Variants in STAB2 observed in about 807,000 individuals in gnomAD.
STAB2 encodes the protein stabilin-2.
In STAB2, 288 loss-of-function variants were observed where a neutral mutation model predicts 338.1. The ratio of observed to expected loss-of-function variants is 0.85; its 90% confidence interval spans 0.77 to 0.94. The LOEUF (loss-of-function observed/expected upper bound fraction) is 0.94. Among genes scored for constraint, STAB2 ranks in the 40% least tolerant of loss-of-function variants. The probability of loss-of-function intolerance (pLI) is 0.00; values close to 1 mark genes in which losing one functional copy is unlikely to be tolerated. For synonymous variants in STAB2, 1,202 were observed against 1,193.3 expected, an observed-to-expected ratio of 1.01 and a Z score of -0.15; for missense variants, 3,141 against 3,210.1, an observed-to-expected ratio of 0.98 and a Z score of 0.52.
chr12:103,732,427 T>C (rs1313679438), intron 50 of STAB2, among the ~76,000 whole-genome samples: 2 of 152,178 alleles, frequency 1.3e-5, no homozygotes, highest in Non-Finnish European at 2.9e-5. Flanking sequence ...CAAGCATCTT[T>C]CTGAGGCTCC....
chr12:103,715,412 T>A (rs1009881086), intron 42 of STAB2, among the ~76,000 whole-genome samples: 1 of 152,228 alleles, frequency 6.6e-6, no homozygotes, highest in African/African-American at 2.4e-5. Flanking sequence ...TAGTTTAGCA[T>A]CTTTTGATGA....
chr12:103,711,265 C>T (rs1448260931), intron 39 of STAB2: 2 of 611,994 alleles, frequency 3.3e-6, no homozygotes, highest in Non-Finnish European at 5.7e-6. Flanking sequence ...AAACAGAAGA[C>T]ACCATCAATG....
chr12:103,607,282 A>C (rs184312252), intron 3 of STAB2, among the ~76,000 whole-genome samples: 1 of 151,992 alleles, frequency 6.6e-6, no homozygotes, highest in Admixed American at 6.5e-5. Flanking sequence ...CCAGTTATAC[A>C]TATATTAAAA....
intron 42 of STAB2, 48 bp from the exon 43 acceptor site, chr12:103,715,767 G>A: frequency 6.2e-7 from 1 of 1,612,582 alleles, no homozygotes; most frequent in Non-Finnish European, 8.5e-7. Context: ...GCTTCACTTG[G>A]AAACCAGACT....
intron 68 of STAB2, chr12:103,763,837 G>A: frequency 2.2e-6 from 1 of 446,946 alleles, no homozygotes; most frequent in Non-Finnish European, 4.0e-6. Context: ...AACAGAGACA[G>A]GCGAGAACAA....
At chr12:103,594,711 C>T (rs1956850639) in intron 3 of STAB2, among the ~76,000 whole-genome samples, 1 of 152,108 alleles carries the variant, frequency 6.6e-6, no homozygotes, top group African/African-American at 2.4e-5. Context: ...AGAGATCTCT[C>T]TTTAAAAGAA....
rs1200660654 is a variant in STAB2 at position 103,708,327 on chromosome 12, A to G, written c.4193-114A>G. ...TTCAAGACCCCTGTTAAAGACTATG[A>G]TTCCTAGAAGTAGGTTGGAGAATTA... On this transcript the variant is annotated intron_variant, in intron 38 of 68. Transcript: ENST00000388887. The G allele has an allele frequency of 7.7e-6, 8 of 1,037,764 alleles. No individual in the cohort carries two copies. The African/African-American group carries it at 1.3e-4, about 16-fold the overall frequency. 64.3% of individuals were successfully genotyped at this position (1,037,764 alleles called of 1,614,324 possible).
intron 1 of STAB2, among the ~76,000 whole-genome samples, chr12:103,590,101 G>A (rs1223020322): frequency 6.6e-6 from 1 of 152,108 alleles, no homozygotes; most frequent in African/African-American, 2.4e-5. Context: ...GCATCTCTCG[G>A]GGAGGATCAG....
chr12:103,752,883 T>G (rs2139193959), intron 60 of STAB2, among the ~76,000 whole-genome samples: 1 of 152,210 alleles, frequency 6.6e-6, no homozygotes, highest in African/African-American at 2.4e-5. Context: ...AAATTAAAAA[T>G]TTACCAAAAA....
At chr12:103,697,789 G>A (rs949637612) in intron 33 of STAB2, among the ~76,000 whole-genome samples, 14 of 152,216 alleles carry the variant, frequency 9.2e-5, no homozygotes, top group African/African-American at 3.1e-4. Context: ...AGCAATCACA[G>A]GATTCACTTA....
intron 68 of STAB2, 163 bp from the exon 69 acceptor site, chr12:103,766,123 C>A: frequency 1.0e-6 from 1 of 954,770 alleles, no homozygotes; most frequent in Non-Finnish European, 1.7e-6. Context: ...CCCAGCCCAT[C>A]CTGCCTCCCA....
intron 56 of STAB2, among the ~76,000 whole-genome samples, 191 bp from the exon 57 acceptor site, chr12:103,744,982 C>T (rs1882901845): frequency 6.6e-6 from 1 of 152,158 alleles, no homozygotes; most frequent in African/African-American, 2.4e-5. Context: ...GTAACCTTAT[C>T]GCTTAGCAGT....
chr12:103,619,953 C>A (rs1257638952), intron 3 of STAB2, among the ~76,000 whole-genome samples: 1 of 152,210 alleles, frequency 6.6e-6, no homozygotes, highest in African/African-American at 2.4e-5. Context: ...AATAACTCCT[C>A]CTCAGGGATG....
intron 15 of STAB2, among the ~76,000 whole-genome samples, chr12:103,655,940 G>A (rs1287740285): frequency 6.6e-6 from 1 of 152,172 alleles, no homozygotes; most frequent in Non-Finnish European, 1.5e-5. Flanking sequence ...AAATCACCTA[G>A]AGAATGAAGC....
At chr12:103,643,933 A>G (rs1387287060) in intron 9 of STAB2, among the ~76,000 whole-genome samples, 2 of 96,334 alleles carry the variant, frequency 2.1e-5, no homozygotes, top group African/African-American at 4.2e-5. Flanking sequence ...CTGCCCGGCC[A>G]GCCGCCCCGT....
In STAB2 at chr12:103,741,558, ATCT is replaced by A. The variant is rs754469387; in HGVS notation, c.5881+806_5881+808del. 1.4e-4 allele frequency among the ~76,000 whole-genome samples: 21 copies of A among 152,214 alleles called. No individual in the cohort carries two copies. The South Asian group carries it at 1.7e-3, about 12-fold the overall frequency. On this transcript the variant is annotated intron_variant, in intron 55 of 68. Transcript: ENST00000388887. Reference sequence around the variant, plus strand: ...AGTCTCAACCCTCTGGGCTCAAGTGATCTTCTCACCTCAGCCTCTCAAGTAGCT... The same window carrying A: ...AGTCTCAACCCTCTGGGCTCAAGTGATCTCACCTCAGCCTCTCAAGTAGCT...
intron 3 of STAB2, among the ~76,000 whole-genome samples, chr12:103,598,228 G>T (rs992643804): frequency 1.3e-5 from 2 of 152,174 alleles, no homozygotes; most frequent in Non-Finnish European, 2.9e-5. Flanking sequence ...TGTTCACCAA[G>T]CTTTTAAACA....
rs963490809 is a variant in STAB2 at position 103,629,615 on chromosome 12, C to T, written c.488-1983C>T. Among the ~76,000 whole-genome samples the T allele has an allele frequency of 2.0e-5, 3 of 152,144 alleles. No individual in the cohort carries two copies. The East Asian group carries it at 5.8e-4, about 29-fold the overall frequency. ...GCCTTGAAGGATTCCAGTTAGCACACAAAAGGGAGCACAGCAGAGGAAAAG... is the reference window on the plus strand; with the variant it reads ...GCCTTGAAGGATTCCAGTTAGCACATAAAAGGGAGCACAGCAGAGGAAAAG... On this transcript the variant is annotated intron_variant, in intron 5 of 68. Transcript: ENST00000388887.
In STAB2 at chr12:103,659,548, T is replaced by G. The variant is rs199937618; in HGVS notation, c.1735-783T>G. Among the ~76,000 whole-genome samples the G allele has an allele frequency of 4.6e-5, 7 of 152,364 alleles. No individual in the cohort carries two copies. In the East Asian group the frequency reaches 1.3e-3, roughly 29 times the overall value. On this transcript the variant is annotated intron_variant, in intron 15 of 68. Coordinates refer to ENST00000388887, the MANE Select transcript of STAB2 (RefSeq NM_017564.10). Reference sequence around the variant, plus strand: ...AGGGCTGTGAAGCTTGTAACTCCCATCTCTGACTTAGCTGGCAGATTGCAG... The same window carrying G: ...AGGGCTGTGAAGCTTGTAACTCCCAGCTCTGACTTAGCTGGCAGATTGCAG...
Sources: gnomAD v4.1 joint callset for allele counts (sites outside exome capture counted in the v4.1 genomes callset) on GRCh38, gnomAD v4.1.1 for gene constraint, MANE v1.5 for transcripts, NCBI Gene and HGNC (gene_info 2026-07-23, HGNC 2026-07-21) for gene names.